Variants in SNTG1 observed in about 807,000 individuals in gnomAD.
SNTG1 encodes syntrophin gamma 1.
A neutral mutation model predicts 74.7 loss-of-function variants in SNTG1; 39 were observed. That is an observed-to-expected ratio of 0.52 (90% confidence interval 0.40 to 0.68). The LOEUF (loss-of-function observed/expected upper bound fraction) is 0.68, where lower values mean the gene tolerates loss of function less well. Ranked by LOEUF, SNTG1 falls within the 30% of genes least tolerant of loss-of-function variation. The pLI is 0.00. For synonymous variants in SNTG1, 254 were observed against 217.1 expected, an observed-to-expected ratio of 1.17 and a Z score of -1.49; for missense variants, 685 against 609.5, an observed-to-expected ratio of 1.12 and a Z score of -1.30.
In SNTG1 at chr8:49,921,386, G is replaced by A. The variant is rs552600673; in HGVS notation, c.-103+9155G>A. ...TGGGTTTGCTCAAAAGCAGATCACA[G>A]GGCATCCTGGAGAGAACGATTTCTG... On this transcript the variant is annotated intron_variant, in intron 1 of 18. Coordinates refer to ENST00000642720, the MANE Select transcript of SNTG1 (RefSeq NM_018967.5). 9.5e-4 allele frequency among the ~76,000 whole-genome samples: 144 copies of A among 152,120 alleles called. 2 individuals carry two copies. The highest frequency in any genetic ancestry group is 7.5e-4 in the Non-Finnish European group (51 of 67,944).
chr8:50,135,996 ATGT>A (rs1326806165), intron 1 of SNTG1, among the ~76,000 whole-genome samples: 3 of 152,114 alleles, frequency 2.0e-5, no homozygotes, highest in African/African-American at 7.2e-5. Context: ...AAGTGAAAAC[ATGT>A]TGTATTTGGT....
intron 15 of SNTG1, among the ~76,000 whole-genome samples, chr8:50,683,939 G>T (rs1293666209): frequency 6.6e-6 from 1 of 152,182 alleles, no homozygotes; most frequent in Non-Finnish European, 1.5e-5. Context: ...ATTGAAGAAA[G>T]ATTAGGAAAA....
rs144483543 is a variant in SNTG1, at chr8:50,627,546, C to A, written c.850-29363C>A. ...GATAAATTTTTGTTCTTTATAAATT[C>A]CCCAGTGTTAGGCATTCTGTTATGG... On this transcript the variant is annotated intron_variant, in intron 13 of 18. Transcript: ENST00000642720. Among the ~76,000 whole-genome samples, 732 of 152,198 alleles carry A rather than the reference C, an allele frequency of 4.8e-3. 6 individuals carry two copies. The highest frequency in any genetic ancestry group is 0.017 in the African/African-American group (688 of 41,526).
intron 1 of SNTG1, among the ~76,000 whole-genome samples, chr8:50,102,634 C>T (rs1282389999): frequency 6.0e-5 from 9 of 149,092 alleles, no homozygotes; most frequent in Middle Eastern, 3.4e-3. Context: ...AGTCCTTGCC[C>T]ATGCCTATGT....
intron 2 of SNTG1, among the ~76,000 whole-genome samples, chr8:50,248,551 A>G (rs2129831483): frequency 6.6e-6 from 1 of 152,152 alleles, no homozygotes; most frequent in African/African-American, 2.4e-5. Context: ...TTTTTCTAAC[A>G]CCTACTTCAG....
chr8:50,038,260 A>T (rs1307884069), intron 1 of SNTG1, among the ~76,000 whole-genome samples: 1 of 152,164 alleles, frequency 6.6e-6, no homozygotes, highest in Non-Finnish European at 1.5e-5. Flanking sequence ...ACAAAAGGCA[A>T]GAATCGGGTG....
intron 2 of SNTG1, among the ~76,000 whole-genome samples, chr8:50,386,917 C>T (rs368359713): frequency 1.4e-4 from 21 of 152,260 alleles, no homozygotes; most frequent in African/African-American, 5.1e-4. Flanking sequence ...ATGCAAGGGG[C>T]TCTGGTTCTA....
intron 15 of SNTG1, among the ~76,000 whole-genome samples, chr8:50,669,407 A>C (rs1374692828): frequency 6.6e-6 from 1 of 152,176 alleles, no homozygotes; most frequent in Non-Finnish European, 1.5e-5. Flanking sequence ...AGAATACTAC[A>C]AACAACTCTA....
intron 1 of SNTG1, among the ~76,000 whole-genome samples, chr8:49,972,585 C>G (rs1401029183): frequency 1.3e-5 from 2 of 151,892 alleles, no homozygotes; most frequent in African/African-American, 2.4e-5. Context: ...AGGCAACCTA[C>G]AGAGTGGAAG....
At chr8:49,989,819 T>C (rs1427869958) in intron 1 of SNTG1, among the ~76,000 whole-genome samples, 1 of 151,912 alleles carries the variant, frequency 6.6e-6, no homozygotes, top group Non-Finnish European at 1.5e-5. Context: ...ATGTAATATA[T>C]TGATACAGTA....
chr8:50,174,842 G>C (rs924255328), intron 2 of SNTG1, among the ~76,000 whole-genome samples: 2 of 150,232 alleles, frequency 1.3e-5, no homozygotes, highest in Non-Finnish European at 3.0e-5. Flanking sequence ...GGTATATCTC[G>C]TAATGCTATC....
intron 2 of SNTG1, among the ~76,000 whole-genome samples, chr8:50,207,370 T>A (rs201350076): frequency 6.6e-6 from 1 of 152,236 alleles, no homozygotes. Context: ...GTTTATAGTA[T>A]ACTCTGATGT....
chr8:50,334,183 C>T (rs564090728), intron 2 of SNTG1, among the ~76,000 whole-genome samples: 1 of 152,272 alleles, frequency 6.6e-6, no homozygotes, highest in South Asian at 2.1e-4. Flanking sequence ...AGGCCTGAGC[C>T]ACCGCGCCTG....
At chr8:50,431,752 A>G (rs2131528212) in intron 4 of SNTG1, among the ~76,000 whole-genome samples, 1 of 152,268 alleles carries the variant, frequency 6.6e-6, no homozygotes, top group South Asian at 2.1e-4. Context: ...TCTCATTGTT[A>G]TTTTAATTTG....
chr8:50,358,288 C>T (rs539031728), intron 2 of SNTG1, among the ~76,000 whole-genome samples: 2 of 152,336 alleles, frequency 1.3e-5, no homozygotes, highest in African/African-American at 4.8e-5. Flanking sequence ...CAAGAACGCT[C>T]ACACTCCTAC....
At chr8:50,000,585 G>C (rs972532924) in intron 1 of SNTG1, among the ~76,000 whole-genome samples, 16 of 152,118 alleles carry the variant, frequency 1.1e-4, no homozygotes, top group African/African-American at 3.6e-4. Flanking sequence ...AGAAAAGCTT[G>C]CCTGTAGTGC....
intron 2 of SNTG1, among the ~76,000 whole-genome samples, chr8:50,215,501 C>T (rs748173695): frequency 2.0e-5 from 3 of 147,178 alleles, no homozygotes; most frequent in Non-Finnish European, 4.5e-5. Context: ...AGACTATAGG[C>T]ATAGATGAAA....
intron 1 of SNTG1, among the ~76,000 whole-genome samples, chr8:50,107,039 C>CATTATGTTGCCT (rs1586302513): frequency 1.3e-5 from 2 of 152,230 alleles, no homozygotes; most frequent in East Asian, 3.9e-4. Flanking sequence ...AACTGAAGCT[C>CATTATGTTGCCT]CAGGGTGCCC....
intron 1 of SNTG1, among the ~76,000 whole-genome samples, chr8:49,992,782 A>T (rs1050054353): frequency 6.6e-6 from 1 of 152,194 alleles, no homozygotes; most frequent in African/African-American, 2.4e-5. Flanking sequence ...ATTATGTTTT[A>T]TGTATTGCTT....
Sources: allele counts gnomAD v4.1 joint callset (sites outside exome capture counted in the v4.1 genomes callset), GRCh38; gene constraint gnomAD v4.1.1; transcripts MANE v1.5; gene names NCBI Gene and HGNC (gene_info 2026-07-23, HGNC 2026-07-21).